CYREN: variants seen among roughly 807,000 people sequenced by gnomAD.
The protein encoded by CYREN is cell cycle regulator of NHEJ, also known as cell cycle regulator of non-homologous end joining.
CYREN carries 7 observed loss-of-function variants against 9.7 expected under a neutral mutation model. That is an observed-to-expected ratio of 0.72 (90% CI 0.41 to 1.36). The LOEUF (loss-of-function observed/expected upper bound fraction) is 1.36. Among genes scored for constraint, CYREN ranks in the 40% most tolerant of loss-of-function variants. The probability of loss-of-function intolerance (pLI) is 0.01; values close to 1 mark genes in which losing one functional copy is unlikely to be tolerated. For synonymous variants in CYREN, 76 were observed against 77.9 expected, an observed-to-expected ratio of 0.98 and a Z score of 0.13; for missense variants, 215 against 198.1, an observed-to-expected ratio of 1.09 and a Z score of -0.51.
At chr7:135,094,693 T>C (rs1822388716) in intron 2 of CYREN, 1 of 359,150 alleles carries the variant, frequency 2.8e-6, no homozygotes, top group African/African-American at 2.1e-5. Context: ...ATCAATAGGT[T>C]AGAGACAAAT....
chr7:135,153,931 A>T (rs2881869), intron 2 of CYREN, among the ~76,000 whole-genome samples: 73,769 of 151,888 alleles, frequency 0.49, 18,265 homozygotes, highest in South Asian at 0.66. Flanking sequence ...TTTTCTTTGT[A>T]TGTTTGGTAG....
intron 2 of CYREN, among the ~76,000 whole-genome samples, chr7:135,122,171 T>C (rs932641165): frequency 3.9e-5 from 6 of 152,320 alleles, no homozygotes; most frequent in South Asian, 2.1e-4. Flanking sequence ...TCCATCTCTA[T>C]AGCTCCAGGC....
At chr7:135,139,403 C>T (rs180936433) in intron 2 of CYREN, among the ~76,000 whole-genome samples, 10 of 151,012 alleles carry the variant, frequency 6.6e-5, no homozygotes, top group African/African-American at 2.2e-4. Flanking sequence ...AGTGTCTATT[C>T]GTGTCCTTTG....
At chr7:135,104,745 G>A (rs929634522) in intron 2 of CYREN, among the ~76,000 whole-genome samples, 3 of 149,180 alleles carry the variant, frequency 2.0e-5, no homozygotes, top group African/African-American at 7.3e-5. Context: ...AAGTGTTCAT[G>A]TCCTTTGCCC....
chr7:135,098,121 T>C (rs1823195613), intron 2 of CYREN, among the ~76,000 whole-genome samples: 2 of 152,160 alleles, frequency 1.3e-5, no homozygotes, highest in African/African-American at 2.4e-5. Context: ...GGTCTACAGA[T>C]ACAAAGTGAG....
At chr7:135,094,115 ACAAATG>A in exon 3 of CYREN, 1 of 284,628 alleles carries the variant, frequency 3.5e-6, no homozygotes, top group East Asian at 1.0e-4. Context: ...GATCACAGAA[ACAAATG>A]TAGGAGTTAA....
intron 2 of CYREN, among the ~76,000 whole-genome samples, chr7:135,156,845 G>A (rs1226173616): frequency 1.3e-5 from 2 of 152,144 alleles, no homozygotes; most frequent in East Asian, 3.9e-4. Flanking sequence ...TGTTGTGAGA[G>A]GGGACGCCAG....
At chr7:135,113,747 T>A (rs535431000) in intron 2 of CYREN, among the ~76,000 whole-genome samples, 22 of 152,330 alleles carry the variant, frequency 1.4e-4, no homozygotes, top group African/African-American at 4.8e-4. Context: ...CGCATTGTGG[T>A]GCAATCTCCA....
chr7:135,110,754 C>A (rs540756958), intron 2 of CYREN, among the ~76,000 whole-genome samples: 1 of 152,180 alleles, frequency 6.6e-6, no homozygotes, highest in African/African-American at 2.4e-5. Flanking sequence ...TCCATGAGAG[C>A]GACAAATGCA....
At chr7:135,135,105 TG>T (rs1359309198) in intron 2 of CYREN, 1 of 1,551,156 alleles carries the variant, frequency 6.4e-7, no homozygotes, top group East Asian at 2.4e-5. Flanking sequence ...TTGGAATGGA[TG>T]CAAATGTTCT....
exon 3 of CYREN, chr7:135,092,901 T>C (rs1822063041): frequency 6.6e-6 from 1 of 152,032 alleles, no homozygotes; most frequent in African/African-American, 2.4e-5. Context: ...TAATATACCA[T>C]GTTAATAGAA....
intron 2 of CYREN, among the ~76,000 whole-genome samples, chr7:135,158,805 C>T (rs974162729): frequency 1.3e-5 from 2 of 152,176 alleles, no homozygotes; most frequent in African/African-American, 2.4e-5. Flanking sequence ...CCTGCTCTCC[C>T]GTCTCCCTCC....
chr7:135,139,687 T>C (rs981328362), intron 2 of CYREN, among the ~76,000 whole-genome samples: 28 of 151,968 alleles, frequency 1.8e-4, no homozygotes, highest in African/African-American at 6.8e-4. Context: ...TTTTCTTCTA[T>C]GCTTTTTATA....
At chr7:135,154,427 T>C (rs552260929) in intron 2 of CYREN, among the ~76,000 whole-genome samples, 1 of 152,322 alleles carries the variant, frequency 6.6e-6, no homozygotes, top group South Asian at 2.1e-4. Context: ...CTTTTCTAAT[T>C]CCTTGAGGTG....
intron 2 of CYREN, among the ~76,000 whole-genome samples, chr7:135,145,850 A>G (rs1193279622): frequency 1.3e-5 from 2 of 152,192 alleles, no homozygotes; most frequent in Non-Finnish European, 2.9e-5. Context: ...CCCAGTGCAT[A>G]TAAAAGTCAT....
chr7:135,117,368 G>GT (rs35057885), intron 2 of CYREN, among the ~76,000 whole-genome samples: 66,769 of 151,932 alleles, frequency 0.44, 15,364 homozygotes, highest in East Asian at 0.78. Flanking sequence ...GACAATGTAG[G>GT]TTTCAGCCCT....
chr7:135,119,597 G>T (rs912903036), intron 2 of CYREN, among the ~76,000 whole-genome samples: 4 of 151,794 alleles, frequency 2.6e-5, no homozygotes, highest in Non-Finnish European at 5.9e-5. Flanking sequence ...AGTCAGAGAG[G>T]CTGGGCACAG....
chr7:135,161,009 C>A (rs1305624716), downstream of CYREN, among the ~76,000 whole-genome samples: 1 of 152,168 alleles, frequency 6.6e-6, no homozygotes, highest in African/African-American at 2.4e-5. The surrounding 1 kb of genome is among the most constrained non-coding windows in gnomAD (Gnocchi z 4.1). Context: ...AGGTGCTGGA[C>A]TGCACAAGGC....
intron 2 of CYREN, among the ~76,000 whole-genome samples, chr7:135,109,580 C>T (rs906500420): frequency 2.0e-5 from 3 of 151,980 alleles, no homozygotes; most frequent in East Asian, 1.9e-4. Flanking sequence ...CAATGAAGGT[C>T]GTGAAACAGC....
Sources: gnomAD v4.1 joint callset for allele counts (sites outside exome capture counted in the v4.1 genomes callset) on GRCh38, gnomAD v4.1.1 for gene constraint, Gnocchi (gnomAD v3.1) non-coding constraint, MANE v1.5 for transcripts, NCBI Gene and HGNC (gene_info 2026-07-23, HGNC 2026-07-21) for gene names.